Variants in MDGA2 observed in about 807,000 individuals in gnomAD.
MDGA2 encodes MAM domain-containing glycosylphosphatidylinositol anchor protein 2.
Under a neutral mutation model 117.8 loss-of-function variants are expected in MDGA2, and 40 were observed. That is an observed-to-expected ratio of 0.34 (90% CI 0.26 to 0.44). The LOEUF (loss-of-function observed/expected upper bound fraction) is 0.44. MDGA2 is among the 20% of genes least tolerant of loss of function. The pLI is 1.00. For synonymous variants in MDGA2, 452 were observed against 439.0 expected, an observed-to-expected ratio of 1.03 and a Z score of -0.37; for missense variants, 1,123 against 1,250.6, an observed-to-expected ratio of 0.90 and a Z score of 1.54.
chr14:47,048,409 A>G (rs545576296), intron 7 of MDGA2, among the ~76,000 whole-genome samples: 90 of 152,250 alleles, frequency 5.9e-4, no homozygotes, highest in African/African-American at 2.0e-3. Context: ...TGTTGCTCAC[A>G]GTGGTAAAAT....
chr14:47,001,831 T>C (rs1887540853), intron 8 of MDGA2, among the ~76,000 whole-genome samples: 2 of 151,988 alleles, frequency 1.3e-5, no homozygotes, highest in Non-Finnish European at 2.9e-5. Context: ...CTGGGAGAAG[T>C]ATTGGTAGCA....
At chr14:47,332,653 A>C (rs373025276) in intron 1 of MDGA2, among the ~76,000 whole-genome samples, 56 of 152,118 alleles carry the variant, frequency 3.7e-4, no homozygotes, top group East Asian at 3.1e-3. Flanking sequence ...CAAAAATTAA[A>C]TAACAATTTT....
chr14:47,042,545 T>C (rs1395844461), intron 7 of MDGA2, among the ~76,000 whole-genome samples: 1 of 152,110 alleles, frequency 6.6e-6, no homozygotes, highest in Non-Finnish European at 1.5e-5. Context: ...CAGTCCTCCA[T>C]CTCTTCTTTG....
At chr14:46,842,290 G>A (rs1880648146) in intron 16 of MDGA2, among the ~76,000 whole-genome samples, 2 of 152,062 alleles carry the variant, frequency 1.3e-5, no homozygotes, top group African/African-American at 4.8e-5. Flanking sequence ...ATTCACATAG[G>A]TTTGTGGTTG....
chr14:46,937,453 T>C (rs748951727), intron 9 of MDGA2, among the ~76,000 whole-genome samples: 2 of 151,956 alleles, frequency 1.3e-5, no homozygotes, highest in Non-Finnish European at 2.9e-5. Context: ...TTCACAGAAA[T>C]AGAAAAAAAA....
intron 1 of MDGA2, among the ~76,000 whole-genome samples, chr14:47,627,795 A>C (rs1161993071): frequency 2.0e-5 from 3 of 151,710 alleles, no homozygotes; most frequent in African/African-American, 7.3e-5. Flanking sequence ...GCTGCTGCTC[A>C]CTCTTTGGGT....
chr14:46,890,977 G>T (rs917636938), intron 10 of MDGA2, among the ~76,000 whole-genome samples: 4 of 151,980 alleles, frequency 2.6e-5, no homozygotes, highest in African/African-American at 9.7e-5. Flanking sequence ...TTGGAAAAAA[G>T]TAAGTTCTTT....
intron 3 of MDGA2, among the ~76,000 whole-genome samples, chr14:47,205,141 T>TATATATATGTGCATATGTATGC (rs1885638751): frequency 6.6e-6 from 1 of 151,438 alleles, no homozygotes; most frequent in Non-Finnish European, 1.5e-5. Flanking sequence ...TGCATATGTG[T>TATATATATGTGCATATGTATGC]ATATATATGT....
chr14:47,646,681 T>C (rs998362499), intron 1 of MDGA2, among the ~76,000 whole-genome samples: 12 of 152,358 alleles, frequency 7.9e-5, no homozygotes, highest in African/African-American at 2.6e-4. Flanking sequence ...TTTCTATGAA[T>C]AAAAGTTTTT....
Position 46,855,033 on chromosome 14 carries a change from A to G in MDGA2, c.2874T>C (p.Thr958=), listed in dbSNP as rs1373209939. Residue 958 remains threonine, a synonymous_variant, in exon 15 of 17, where the codon ACT becomes ACC. Coordinates refer to ENST00000399232, the MANE Select transcript of MDGA2 (RefSeq NM_001113498.3). The surrounding 1 kb of genome is among the most constrained non-coding windows in gnomAD (Gnocchi z 4.1). The part of the protein sequence containing the change: ...NEAHVNIYPI[T]SFQLIFEGIR... ...AAACTACTTTTCTTACCTGAAATGAAGTAATTGGGTATATATTAACATGAG... is the reference window on the plus strand; with the variant it reads ...AAACTACTTTTCTTACCTGAAATGAGGTAATTGGGTATATATTAACATGAG... 5.0e-6 allele frequency: 8 copies of G among 1,597,112 alleles called. No homozygotes were observed. In the Admixed American group the frequency reaches 5.3e-5, roughly 11 times the overall value.
chr14:47,110,750 A>G (rs1880992876), intron 5 of MDGA2, among the ~76,000 whole-genome samples: 1 of 152,208 alleles, frequency 6.6e-6, no homozygotes, highest in Non-Finnish European at 1.5e-5. Flanking sequence ...GATTGCTTAG[A>G]GCAAGTTTTT....
chr14:46,857,741 A>G (rs1041118305), intron 14 of MDGA2, among the ~76,000 whole-genome samples: 4 of 152,046 alleles, frequency 2.6e-5, no homozygotes, highest in African/African-American at 9.7e-5. Context: ...AGCAGCCTCA[A>G]ACTCCTGGGC....
intron 12 of MDGA2, 27 bp from the exon 13 acceptor site, chr14:46,874,227 T>C (rs779522484): frequency 5.9e-6 from 7 of 1,188,180 alleles, no homozygotes; most frequent in Non-Finnish European, 7.8e-6. Context: ...ATTAAATTAA[T>C]ATTAATTAAA....
intron 6 of MDGA2, among the ~76,000 whole-genome samples, chr14:47,092,127 T>C (rs1026958184): frequency 4.6e-5 from 7 of 152,158 alleles, no homozygotes; most frequent in African/African-American, 1.4e-4. Context: ...GAAAGACTAT[T>C]TTAATCAACC....
At chr14:47,313,561 T>C (rs1254718968) in intron 1 of MDGA2, among the ~76,000 whole-genome samples, 1 of 152,150 alleles carries the variant, frequency 6.6e-6, no homozygotes. Context: ...CCTCCCCATA[T>C]ACTGGGATTA....
At chr14:47,651,154 TCA>T (rs1269277332) in intron 1 of MDGA2, among the ~76,000 whole-genome samples, 1 of 152,032 alleles carries the variant, frequency 6.6e-6, no homozygotes, top group African/African-American at 2.4e-5. Context: ...TTGCTTAAAG[TCA>T]CAGTTTTCAA....
intron 1 of MDGA2, among the ~76,000 whole-genome samples, chr14:47,349,800 G>A (rs1430066758): frequency 6.6e-6 from 1 of 152,122 alleles, no homozygotes; most frequent in Admixed American, 6.5e-5. Context: ...ACCTTTCCAG[G>A]TCCATTCTCT....
At position 47,252,333 on chromosome 14, in the gene MDGA2, G is replaced by A. The variant is rs151326277; in HGVS notation, c.421-34138C>T. Among the ~76,000 whole-genome samples the A allele has an allele frequency of 2.2e-3, 341 of 152,104 alleles. 2 individuals carry two copies. Among genetic ancestry groups the A allele is most frequent in the African/African-American group, 7.6e-3 (316 of 41,492 alleles). On this transcript the variant is annotated intron_variant, in intron 2 of 16. Transcript: ENST00000399232. ...GGCAAACCACTTTCAGAACAGAATA[G>A]GGTTGTGATATATTTAATTGTGACA...
At chr14:46,997,031 GC>G in intron 8 of MDGA2, 1 of 305,932 alleles carries the variant, frequency 3.3e-6, no homozygotes, top group South Asian at 3.7e-5. Flanking sequence ...ATTAAGGTTT[GC>G]CCAAGGTTTG....
Sources: allele counts gnomAD v4.1 joint callset (sites outside exome capture counted in the v4.1 genomes callset), GRCh38; gene constraint gnomAD v4.1.1; non-coding constraint Gnocchi (gnomAD v3.1); transcripts MANE v1.5; gene names NCBI Gene and HGNC (gene_info 2026-07-23, HGNC 2026-07-21).